SNTG2: variants seen among roughly 807,000 people sequenced by gnomAD.
The protein encoded by SNTG2 is gamma-2-syntrophin.
In SNTG2, 74 loss-of-function variants were observed where a neutral mutation model predicts 70.9. That is an observed-to-expected ratio of 1.04 (90% confidence interval 0.86 to 1.27). The LOEUF (loss-of-function observed/expected upper bound fraction) is 1.27, where lower values mean the gene tolerates loss of function less well. Among genes scored for constraint, SNTG2 ranks in the 50% most tolerant of loss-of-function variants. The pLI is 0.00. For synonymous variants in SNTG2, 278 were observed against 273.8 expected (o/e 1.02, Z -0.15); for missense variants, 717 against 690.7 (o/e 1.04, Z -0.43).
At chr2:1,342,169 C>G (rs367627520) in intron 16 of SNTG2, among the ~76,000 whole-genome samples, 1 of 152,336 alleles carries the variant, frequency 6.6e-6, no homozygotes, top group South Asian at 2.1e-4. Context: ...GACCTCAGGG[C>G]AGGGATCTCA....
chr2:1,208,267 CAT>C (rs1323849760), intron 8 of SNTG2, among the ~76,000 whole-genome samples: 2 of 74,760 alleles, frequency 2.7e-5, no homozygotes, highest in African/African-American at 9.5e-5. Context: ...GAGGCACGCC[CAT>C]GAGTGTGGGG....
chr2:1,061,723 C>T (rs1662837723), intron 1 of SNTG2, among the ~76,000 whole-genome samples: 1 of 152,202 alleles, frequency 6.6e-6, no homozygotes. Flanking sequence ...CTCATGTCTT[C>T]TGCCAGCATC....
chr2:1,297,180 A>G (rs1376114424), intron 14 of SNTG2, among the ~76,000 whole-genome samples: 1 of 152,188 alleles, frequency 6.6e-6, no homozygotes, highest in African/African-American at 2.4e-5. Context: ...TGCCAGCCTC[A>G]GGTTCCCTCC....
intron 1 of SNTG2, among the ~76,000 whole-genome samples, chr2:1,067,939 G>A (rs1054449463): frequency 3.3e-5 from 5 of 152,128 alleles, no homozygotes; most frequent in Non-Finnish European, 4.4e-5. Context: ...CCCGGACCTC[G>A]GGAGTGGGGC....
intron 1 of SNTG2, among the ~76,000 whole-genome samples, chr2:1,059,849 A>G (rs1289743775): frequency 6.6e-6 from 1 of 152,194 alleles, no homozygotes; most frequent in African/African-American, 2.4e-5. Flanking sequence ...CCATTTAATT[A>G]CTACAACATA....
intron 4 of SNTG2, among the ~76,000 whole-genome samples, chr2:1,122,769 A>C: frequency 6.6e-6 from 1 of 151,826 alleles, no homozygotes; most frequent in South Asian, 2.1e-4. Flanking sequence ...AGGAAGAAGT[A>C]AAGTTATCTA....
intron 9 of SNTG2, among the ~76,000 whole-genome samples, chr2:1,221,391 C>G (rs1674790453): frequency 6.6e-6 from 1 of 151,522 alleles, no homozygotes; most frequent in African/African-American, 2.4e-5. Flanking sequence ...GCCCCTCCCT[C>G]TGTCTCTGTC....
At chr2:1,268,768 G>A (rs867164467) in intron 14 of SNTG2, among the ~76,000 whole-genome samples, 5 of 152,220 alleles carry the variant, frequency 3.3e-5, no homozygotes, top group South Asian at 4.1e-4. Flanking sequence ...GGTTCAAGTC[G>A]TTAAAAGGCA....
chr2:983,329 CA>C (rs1464542691), intron 1 of SNTG2, among the ~76,000 whole-genome samples: 1 of 148,676 alleles, frequency 6.7e-6, no homozygotes, highest in Non-Finnish European at 1.5e-5. Flanking sequence ...GAAGAAGCTG[CA>C]GAGGTGGAAG....
At chr2:1,206,497 A>G (rs1227170603) in intron 8 of SNTG2, among the ~76,000 whole-genome samples, 1 of 152,176 alleles carries the variant, frequency 6.6e-6, no homozygotes, top group Admixed American at 6.5e-5. Flanking sequence ...AGATGGGAGC[A>G]TTTGACCCCG....
intron 8 of SNTG2, among the ~76,000 whole-genome samples, chr2:1,175,421 G>GT (rs781125750): frequency 3.3e-5 from 5 of 152,120 alleles, no homozygotes; most frequent in South Asian, 2.1e-4. Context: ...CTCTCTCTTT[G>GT]TTTTTTCTTG....
intron 1 of SNTG2, among the ~76,000 whole-genome samples, chr2:1,002,318 A>G (rs1053817426): frequency 6.6e-6 from 1 of 152,180 alleles, no homozygotes; most frequent in Admixed American, 6.5e-5. Context: ...TGAACAGACA[A>G]CTTATAGAAT....
intron 1 of SNTG2, among the ~76,000 whole-genome samples, chr2:1,024,583 C>T (rs1660372417): frequency 6.6e-6 from 1 of 152,122 alleles, no homozygotes; most frequent in Non-Finnish European, 1.5e-5. Flanking sequence ...CTATGTTGCT[C>T]AGGCTGTTCT....
At chr2:1,105,327 A>G (rs1490095225) in intron 4 of SNTG2, among the ~76,000 whole-genome samples, 3 of 152,164 alleles carry the variant, frequency 2.0e-5, no homozygotes, top group Non-Finnish European at 4.4e-5. Flanking sequence ...CATCTGCTGC[A>G]GGGCTTACAA....
intron 9 of SNTG2, among the ~76,000 whole-genome samples, chr2:1,210,252 G>C (rs556348502): frequency 6.6e-6 from 1 of 152,152 alleles, no homozygotes; most frequent in Admixed American, 6.6e-5. Flanking sequence ...CCCATCTTTG[G>C]TAAAGAGAGA....
At chr2:1,034,020 T>G (rs1260528949) in intron 1 of SNTG2, among the ~76,000 whole-genome samples, 1 of 144,388 alleles carries the variant, frequency 6.9e-6, no homozygotes, top group Non-Finnish European at 1.5e-5. Context: ...TAGAGGTACA[T>G]GTGCAGGTTT....
intron 1 of SNTG2, among the ~76,000 whole-genome samples, chr2:952,442 T>G (rs1315624457): frequency 6.6e-6 from 1 of 152,248 alleles, no homozygotes; most frequent in Non-Finnish European, 1.5e-5. Flanking sequence ...ATTGACCCAC[T>G]TGATGAGTTA....
chr2:1,014,961 G>A (rs571097161), intron 1 of SNTG2, among the ~76,000 whole-genome samples: 87 of 152,254 alleles, frequency 5.7e-4, no homozygotes, highest in African/African-American at 2.0e-3. Context: ...TGGAGGGGGA[G>A]CCTGAGGAAG....
intron 16 of SNTG2, among the ~76,000 whole-genome samples, chr2:1,361,115 C>T (rs1455074882): frequency 3.3e-5 from 5 of 152,222 alleles, no homozygotes; most frequent in African/African-American, 1.2e-4. Context: ...TCTAGCTTTG[C>T]CTTCTGTGCT....
Sources: allele counts gnomAD v4.1 joint callset (sites outside exome capture counted in the v4.1 genomes callset), GRCh38; gene constraint gnomAD v4.1.1; transcripts MANE v1.5; gene names NCBI Gene and HGNC (gene_info 2026-07-23, HGNC 2026-07-21).